SYT1: variants seen among roughly 807,000 people sequenced by gnomAD.
SYT1 encodes synaptotagmin 1.
A neutral mutation model predicts 44.8 loss-of-function variants in SYT1; 8 were observed. That is an observed-to-expected ratio of 0.18 (90% CI 0.10 to 0.32). The LOEUF (loss-of-function observed/expected upper bound fraction) is 0.32, where lower values mean the gene tolerates loss of function less well. Ranked by LOEUF, SYT1 falls within the 10% of genes least tolerant of loss-of-function variation. SYT1 has a pLI of 1.00. For synonymous variants in SYT1, 154 were observed against 188.8 expected, an observed-to-expected ratio of 0.82 and a Z score of 1.51; for missense variants, 286 against 509.3, an observed-to-expected ratio of 0.56 and a Z score of 4.22.
intron 3 of SYT1, among the ~76,000 whole-genome samples, chr12:79,168,587 C>G (rs1372245188): frequency 1.3e-5 from 2 of 151,958 alleles, no homozygotes; most frequent in Non-Finnish European, 2.9e-5. Context: ...AGACAAAGGA[C>G]AGAGTTTGTT....
chr12:79,375,008 G>A (rs1424403843), intron 9 of SYT1, among the ~76,000 whole-genome samples: 1 of 152,234 alleles, frequency 6.6e-6, no homozygotes, highest in Non-Finnish European at 1.5e-5. Flanking sequence ...CAGACAGTCT[G>A]TAAGGAGTAG....
At chr12:79,164,367 T>C (rs1871124202) in intron 3 of SYT1, among the ~76,000 whole-genome samples, 1 of 152,086 alleles carries the variant, frequency 6.6e-6, no homozygotes, top group South Asian at 2.1e-4. Flanking sequence ...CATTCTTCAT[T>C]TTTCCATTTG....
chr12:79,085,525 G>T (rs1877324041), intron 3 of SYT1, among the ~76,000 whole-genome samples: 1 of 152,110 alleles, frequency 6.6e-6, no homozygotes, highest in East Asian at 1.9e-4. Flanking sequence ...GGAGGCCACT[G>T]AAGTGTTATG....
At chr12:78,876,381 C>T (rs926886027) in intron 1 of SYT1, among the ~76,000 whole-genome samples, 5 of 148,032 alleles carry the variant, frequency 3.4e-5, no homozygotes, top group Non-Finnish European at 6.0e-5. Context: ...AAGCCTCAAT[C>T]ATAAATGTTC....
At position 79,226,319 on chromosome 12, in the gene SYT1, C is replaced by T. The variant is rs185663485; in HGVS notation, c.166+8634C>T. Among the ~76,000 whole-genome samples, 450 of 152,226 alleles carry T rather than the reference C, an allele frequency of 3.0e-3. 3 individuals carry two copies. Among genetic ancestry groups the T allele is most frequent in the African/African-American group, 0.01 (424 of 41,538 alleles). On this transcript the variant is annotated intron_variant, in intron 4 of 10. Coordinates refer to ENST00000261205, the MANE Select transcript of SYT1 (RefSeq NM_005639.3). ...AGAGCCAGCTATTACTTTATTTTTT[C>T]CTCCCTATTCATTAGTAGGAAAGCA... is the stretch of plus-strand genomic sequence containing the variant.
chr12:79,326,955 T>C (rs1024701551), intron 8 of SYT1, among the ~76,000 whole-genome samples: 2 of 152,208 alleles, frequency 1.3e-5, no homozygotes, highest in African/African-American at 4.8e-5. Context: ...TTTTACCAAA[T>C]GGCTGGACAA....
At chr12:79,313,929 G>A (rs1204396824) in intron 8 of SYT1, among the ~76,000 whole-genome samples, 3 of 151,854 alleles carry the variant, frequency 2.0e-5, no homozygotes, top group African/African-American at 7.3e-5. Flanking sequence ...CAGCACTTTG[G>A]GAGGCCGAGG....
Position 79,022,207 on chromosome 12 carries a change from A to T in SYT1, c.-83-25090A>T, listed in dbSNP as rs139871906. Among the ~76,000 whole-genome samples the T allele has an allele frequency of 1.1e-4, 16 of 151,978 alleles. No homozygotes were observed. In the East Asian group the frequency reaches 3.1e-3, roughly 30 times the overall value. ...AGGTAATTATCTGTGGAGAGCCATT[A>T]TCTCAATTTCCCAAACAACAGACTG... On this transcript the variant is annotated intron_variant, in intron 2 of 10. Coordinates refer to ENST00000261205, the MANE Select transcript of SYT1 (RefSeq NM_005639.3).
chr12:79,168,741 GA>G (rs1417317901), intron 3 of SYT1, among the ~76,000 whole-genome samples: 4 of 152,124 alleles, frequency 2.6e-5, no homozygotes, highest in African/African-American at 9.6e-5. Flanking sequence ...GTCACAACCA[GA>G]CATTGTTTAC....
At chr12:79,308,949 T>C (rs940529964) in intron 8 of SYT1, among the ~76,000 whole-genome samples, 2 of 152,240 alleles carry the variant, frequency 1.3e-5, no homozygotes, top group African/African-American at 4.8e-5. Flanking sequence ...TCCAAAACCA[T>C]AGCTATTACA....
chr12:79,198,901 A>G (rs569398627), intron 3 of SYT1, among the ~76,000 whole-genome samples: 2 of 152,302 alleles, frequency 1.3e-5, no homozygotes, highest in South Asian at 2.1e-4. Context: ...CCTACTTTAT[A>G]TATTAAGACA....
At chr12:79,364,760 T>A (rs989367630) in intron 9 of SYT1, among the ~76,000 whole-genome samples, 1 of 152,148 alleles carries the variant, frequency 6.6e-6, no homozygotes, top group Non-Finnish European at 1.5e-5. Flanking sequence ...AATTAACTAA[T>A]AAAGTGTCCC....
chr12:79,058,041 A>G (rs1592709427), intron 3 of SYT1, among the ~76,000 whole-genome samples: 1 of 152,150 alleles, frequency 6.6e-6, no homozygotes, highest in South Asian at 2.1e-4. Flanking sequence ...ATTTATGGAT[A>G]TATCCATTGT....
At chr12:79,256,634 C>T (rs906864598) in intron 4 of SYT1, among the ~76,000 whole-genome samples, 1 of 151,456 alleles carries the variant, frequency 6.6e-6, no homozygotes, top group African/African-American at 2.4e-5. Context: ...GTCAATAACT[C>T]AAAACCATTT....
At chr12:79,185,996 T>C (rs891657161) in intron 3 of SYT1, among the ~76,000 whole-genome samples, 1 of 152,036 alleles carries the variant, frequency 6.6e-6, no homozygotes, top group East Asian at 1.9e-4. Context: ...CATAGCATTT[T>C]TTATATCTTT....
At chr12:79,196,454 T>A (rs1873469940) in intron 3 of SYT1, among the ~76,000 whole-genome samples, 1 of 152,044 alleles carries the variant, frequency 6.6e-6, no homozygotes, top group Admixed American at 6.6e-5. Context: ...GCATGAGCCA[T>A]CGCACCCGGC....
At chr12:79,218,574 A>C (rs1216802163) in intron 4 of SYT1, among the ~76,000 whole-genome samples, 1 of 152,120 alleles carries the variant, frequency 6.6e-6, no homozygotes, top group Admixed American at 6.6e-5. Flanking sequence ...TCTACTCTCT[A>C]CTTCTATGAA....
At chr12:79,053,229 C>T (rs1018008472) in intron 3 of SYT1, among the ~76,000 whole-genome samples, 13 of 152,040 alleles carry the variant, frequency 8.6e-5, no homozygotes, top group African/African-American at 3.1e-4. Context: ...AAGCTGGAAA[C>T]CATCATTCTC....
rs546476050 is a variant in SYT1 at position 79,351,119 on chromosome 12, T to C, written c.811-2383T>C. Among the ~76,000 whole-genome samples, 206 of 152,302 alleles carry C rather than the reference T, an allele frequency of 1.4e-3. 1 individual carries two copies. The highest frequency in any genetic ancestry group is 0.01 in the Middle Eastern group (3 of 294). On this transcript the variant is annotated intron_variant, in intron 8 of 10. Transcript: ENST00000261205. ...TTAAAAAAGCACTTTTCCATATTTT[T>C]CTTTCTCCCAAAATGCCCATATTTT... is the stretch of plus-strand genomic sequence containing the variant.
Sources: allele counts gnomAD v4.1 joint callset (sites outside exome capture counted in the v4.1 genomes callset), GRCh38; gene constraint gnomAD v4.1.1; transcripts MANE v1.5; gene names NCBI Gene and HGNC (gene_info 2026-07-23, HGNC 2026-07-21).